GALNTL6: variants seen among roughly 807,000 people sequenced by gnomAD.
GALNTL6 encodes the protein polypeptide N-acetylgalactosaminyltransferase-like 6.
A neutral mutation model predicts 73.7 loss-of-function variants in GALNTL6; 46 were observed. The ratio of observed to expected loss-of-function variants is 0.62; its 90% CI spans 0.49 to 0.80. GALNTL6 has a LOEUF of 0.80. Ranked by LOEUF, GALNTL6 falls within the 30% of genes least tolerant of loss-of-function variation. GALNTL6 has a pLI of 0.00. For synonymous variants in GALNTL6, 259 were observed against 263.7 expected (o/e 0.98, Z 0.17); for missense variants, 604 against 755.0 (o/e 0.80, Z 2.34).
intron 5 of GALNTL6, among the ~76,000 whole-genome samples, chr4:172,709,989 A>T (rs930687731): frequency 5.3e-5 from 8 of 152,214 alleles, no homozygotes; most frequent in Admixed American, 4.6e-4. Context: ...GAACACTAAA[A>T]GGTTAAAAAA....
intron 2 of GALNTL6, among the ~76,000 whole-genome samples, chr4:172,163,433 G>A (rs1464566256): frequency 6.6e-6 from 1 of 151,906 alleles, no homozygotes; most frequent in African/African-American, 2.4e-5. Context: ...CTACTGTGTA[G>A]ATAGTAGGTA....
intron 2 of GALNTL6, among the ~76,000 whole-genome samples, chr4:171,999,358 GA>G (rs1166326126): frequency 1.3e-5 from 2 of 152,152 alleles, no homozygotes; most frequent in African/African-American, 4.8e-5. Context: ...ATATTTCATA[GA>G]AATAATGGCA....
intron 10 of GALNTL6, 84 bp downstream of exon 10, chr4:172,952,342 A>G: frequency 1.1e-6 from 1 of 898,702 alleles, no homozygotes; most frequent in Non-Finnish European, 1.7e-6. Flanking sequence ...AGGGACTGCT[A>G]AAACCTTCAC....
At chr4:172,292,882 C>G (rs959357028) in intron 3 of GALNTL6, among the ~76,000 whole-genome samples, 1 of 152,026 alleles carries the variant, frequency 6.6e-6, no homozygotes, top group African/African-American at 2.4e-5. Flanking sequence ...GTTGTCTGTA[C>G]TCTCTGTATG....
chr4:172,193,174 G>A (rs1047922134), intron 2 of GALNTL6, among the ~76,000 whole-genome samples: 3 of 152,212 alleles, frequency 2.0e-5, no homozygotes, highest in Non-Finnish European at 4.4e-5. Flanking sequence ...GGCAGCCAGA[G>A]TGCTTCATTA....
At chr4:173,022,069 AGG>A (rs1491506803) in intron 12 of GALNTL6, among the ~76,000 whole-genome samples, 51 of 138,082 alleles carry the variant, frequency 3.7e-4, no homozygotes, top group African/African-American at 7.7e-4. Flanking sequence ...GAAGGAAGGA[AGG>A]AAGGAAGGAA....
intron 9 of GALNTL6, among the ~76,000 whole-genome samples, chr4:172,946,982 C>G (rs919237731): frequency 6.6e-6 from 1 of 152,062 alleles, no homozygotes; most frequent in Non-Finnish European, 1.5e-5. Flanking sequence ...TACAGCCCCA[C>G]AAAAGAGACG....
chr4:172,997,568 A>G lies in GALNTL6; in HGVS notation c.1372-11610A>G, dbSNP rs1314824302. Among the ~76,000 whole-genome samples the G allele has an allele frequency of 3.0e-4, 46 of 152,176 alleles. 1 individual carries two copies. The highest frequency in any genetic ancestry group is 3.0e-3 in the Admixed American group (46 of 15,258). ...AATTTCTCTCTGTGTCTATTTGTGA[A>G]AATCAACTTGTTTTTGGCCAGAGAT... On this transcript the variant is annotated intron_variant, in intron 10 of 12. Coordinates refer to ENST00000506823, the MANE Select transcript of GALNTL6 (RefSeq NM_001034845.3).
intron 5 of GALNTL6, among the ~76,000 whole-genome samples, chr4:172,592,543 T>A (rs1737677499): frequency 6.6e-6 from 1 of 152,166 alleles, no homozygotes. Flanking sequence ...ACCTGAATGT[T>A]AGAGGGAAGC....
chr4:172,567,482 C>A (rs1456759805), intron 5 of GALNTL6, among the ~76,000 whole-genome samples: 1 of 152,100 alleles, frequency 6.6e-6, no homozygotes, highest in East Asian at 1.9e-4. Context: ...TTATCTCAGA[C>A]GAGAACCAGC....
At chr4:172,038,896 T>C (rs1012013559) in intron 2 of GALNTL6, among the ~76,000 whole-genome samples, 14 of 152,292 alleles carry the variant, frequency 9.2e-5, no homozygotes, top group Admixed American at 4.6e-4. Context: ...CCTGAAAACA[T>C]TGGCATTGGC....
chr4:172,852,705 G>T (rs11944378), intron 7 of GALNTL6, among the ~76,000 whole-genome samples: 2 of 151,888 alleles, frequency 1.3e-5, no homozygotes, highest in African/African-American at 4.8e-5. Flanking sequence ...TATATACATA[G>T]GACTATTATA....
chr4:172,615,539 G>A (rs955057779), intron 5 of GALNTL6, among the ~76,000 whole-genome samples: 4 of 152,092 alleles, frequency 2.6e-5, no homozygotes, highest in Non-Finnish European at 5.9e-5. Flanking sequence ...TTTATAAACT[G>A]AAAATGCTCT....
At chr4:172,526,564 A>G (rs1734961115) in intron 5 of GALNTL6, among the ~76,000 whole-genome samples, 1 of 152,182 alleles carries the variant, frequency 6.6e-6, no homozygotes, top group Non-Finnish European at 1.5e-5. Flanking sequence ...GTATTAGCTA[A>G]GCCTGTTAGT....
At chr4:172,609,625 C>CTCTCTCTGTGTGTG (rs753051714) in intron 5 of GALNTL6, among the ~76,000 whole-genome samples, 140 of 92,770 alleles carry the variant, frequency 1.5e-3, no homozygotes, top group African/African-American at 4.4e-3. Flanking sequence ...CTCTCTCTCT[C>CTCTCTCTGTGTGTG]TGTGTGTGTG....
chr4:172,266,965 T>C (rs573944381), intron 3 of GALNTL6, among the ~76,000 whole-genome samples: 147 of 152,264 alleles, frequency 9.7e-4, no homozygotes, highest in Non-Finnish European at 1.7e-3. Flanking sequence ...TTTGATTGAG[T>C]ATATAGAAGA....
chr4:172,460,034 G>A (rs533178638), intron 5 of GALNTL6, among the ~76,000 whole-genome samples: 107 of 151,830 alleles, frequency 7.0e-4, no homozygotes, highest in African/African-American at 2.4e-3. Flanking sequence ...CCAATGGAAC[G>A]GAACAGATCA....
At chr4:172,482,880 A>G (rs72995055) in intron 5 of GALNTL6, among the ~76,000 whole-genome samples, 7,589 of 152,294 alleles carry the variant, frequency 0.05, 586 homozygotes, top group African/African-American at 0.17. Flanking sequence ...TGAATGAATT[A>G]ATTCATTTAT....
At chr4:172,857,011 T>G (rs1447590430) in intron 7 of GALNTL6, among the ~76,000 whole-genome samples, 1 of 152,210 alleles carries the variant, frequency 6.6e-6, no homozygotes, top group Non-Finnish European at 1.5e-5. Flanking sequence ...CCTCAGTTCA[T>G]CCTATTTGCC....
Sources: allele counts gnomAD v4.1 joint callset (sites outside exome capture counted in the v4.1 genomes callset), GRCh38; gene constraint gnomAD v4.1.1; transcripts MANE v1.5; gene names NCBI Gene and HGNC (gene_info 2026-07-23, HGNC 2026-07-21).